The following NDUFAF2 variants were observed in gnomAD, a reference collection of about 807,000 sequenced individuals.
NDUFAF2 encodes NADH dehydrogenase [ubiquinone] 1 alpha subcomplex assembly factor 2.
NDUFAF2 carries 13 observed loss-of-function variants against 22.8 expected under a neutral mutation model. The ratio of observed to expected loss-of-function variants is 0.57; its 90% CI spans 0.37 to 0.91. The LOEUF is 0.91. Ranked by LOEUF, NDUFAF2 falls within the 40% of genes least tolerant of loss-of-function variation. NDUFAF2 has a pLI of 0.01. For synonymous variants in NDUFAF2, 53 were observed against 64.2 expected, an observed-to-expected ratio of 0.83 and a Z score of 0.84; for missense variants, 162 against 195.2, an observed-to-expected ratio of 0.83 and a Z score of 1.01.
chr5:61,134,940 G>A (rs58096884), intron 3 of NDUFAF2, among the ~76,000 whole-genome samples: 3,007 of 151,696 alleles, frequency 0.02, 114 homozygotes, highest in African/African-American at 0.069. Flanking sequence ...CAAAAAGAAA[G>A]GAATACAAAG....
At chr5:60,999,173 C>T (rs1751264710) in intron 1 of NDUFAF2, among the ~76,000 whole-genome samples, 1 of 151,676 alleles carries the variant, frequency 6.6e-6, no homozygotes, top group South Asian at 2.1e-4. Context: ...TTGATTGTTC[C>T]TCAAGTTAAA....
At chr5:60,969,984 A>T (rs1288621394) in intron 1 of NDUFAF2, among the ~76,000 whole-genome samples, 1 of 152,008 alleles carries the variant, frequency 6.6e-6, no homozygotes, top group African/African-American at 2.4e-5. Flanking sequence ...AGAGAATGTC[A>T]TTTCCCCACT....
At chr5:61,067,099 C>T (rs889705992) in intron 1 of NDUFAF2, among the ~76,000 whole-genome samples, 12 of 152,070 alleles carry the variant, frequency 7.9e-5, no homozygotes, top group Non-Finnish European at 1.8e-4. Flanking sequence ...TCTTGCGACA[C>T]ACAAAAAGGG....
At chr5:61,004,093 T>C (rs934257934) in intron 1 of NDUFAF2, among the ~76,000 whole-genome samples, 2 of 152,154 alleles carry the variant, frequency 1.3e-5, no homozygotes, top group African/African-American at 4.8e-5. Context: ...GTAAAATATT[T>C]GTGCCTTTAT....
chr5:61,045,059 A>AAATAAAATTTTATTAAATTTT (rs1751931017), intron 1 of NDUFAF2, among the ~76,000 whole-genome samples: 2 of 145,424 alleles, frequency 1.4e-5, no homozygotes, highest in African/African-American at 2.5e-5. Flanking sequence ...TAATAAAGTA[A>AAATAAAATTTTATTAAATTTT]AATAAAGTTT....
intron 2 of NDUFAF2, among the ~76,000 whole-genome samples, chr5:61,075,809 C>T (rs1752361601): frequency 6.6e-6 from 1 of 152,134 alleles, no homozygotes; most frequent in African/African-American, 2.4e-5. Flanking sequence ...TAAGTATTTT[C>T]AGGTTCAGAT....
At chr5:61,032,567 C>A (rs1477713750) in intron 1 of NDUFAF2, among the ~76,000 whole-genome samples, 2 of 152,118 alleles carry the variant, frequency 1.3e-5, no homozygotes. Flanking sequence ...GGCCTCTGTT[C>A]TGTTCCATTG....
intron 1 of NDUFAF2, among the ~76,000 whole-genome samples, chr5:60,991,541 G>A (rs551131783): frequency 6.6e-6 from 1 of 152,268 alleles, no homozygotes; most frequent in Non-Finnish European, 1.5e-5. Flanking sequence ...CCACAAATAA[G>A]TGAGAATATG....
chr5:60,998,180 A>C (rs1332417838), intron 1 of NDUFAF2, among the ~76,000 whole-genome samples: 7 of 152,146 alleles, frequency 4.6e-5, no homozygotes, highest in Non-Finnish European at 1.0e-4. Flanking sequence ...TAAACCAACA[A>C]ATTTAGATCT....
At position 61,019,168 on chromosome 5, in the gene NDUFAF2, A is replaced by G. The variant is rs186174032; in HGVS notation, c.128-53957A>G. On this transcript the variant is annotated intron_variant, in intron 1 of 3. Transcript: ENST00000296597. ...GATTAATTTTTAGTGCTGCTTCTGAATCCACTGAGTATCTTATCCCACAAG... is the reference window on the plus strand; with the variant it reads ...GATTAATTTTTAGTGCTGCTTCTGAGTCCACTGAGTATCTTATCCCACAAG... 4.5e-4 allele frequency among the ~76,000 whole-genome samples: 68 copies of G among 152,200 alleles called. 1 individual carries two copies. Among genetic ancestry groups the G allele is most frequent in the Middle Eastern group, 6.8e-3 (2 of 294 alleles).
At chr5:61,026,502 GA>G (rs1447090542) in intron 1 of NDUFAF2, among the ~76,000 whole-genome samples, 2 of 151,966 alleles carry the variant, frequency 1.3e-5, no homozygotes, top group Non-Finnish European at 2.9e-5. Flanking sequence ...TAAACAGAAA[GA>G]ATAAGATAGC....
chr5:60,952,143 C>A (rs1750555800), intron 1 of NDUFAF2, among the ~76,000 whole-genome samples: 1 of 151,628 alleles, frequency 6.6e-6, no homozygotes, highest in Admixed American at 6.6e-5. Flanking sequence ...TTTTATTGAT[C>A]ATTTTAGAGA....
chr5:61,100,557 A>G (rs1580133456), intron 3 of NDUFAF2, among the ~76,000 whole-genome samples: 2 of 132,690 alleles, frequency 1.5e-5, no homozygotes, highest in Non-Finnish European at 3.3e-5. Flanking sequence ...ACACACACAC[A>G]CACTCTTTTC....
In NDUFAF2 at chr5:61,050,093, G is replaced by A. The variant is rs377584669; in HGVS notation, c.128-23032G>A. Among the ~76,000 whole-genome samples, 6 of 151,884 alleles carry A rather than the reference G, an allele frequency of 4.0e-5. No individual in the cohort carries two copies. In the South Asian group the frequency reaches 6.2e-4, roughly 16 times the overall value. ...TTCTTTTGGTTATATACCCAGAAATGGAATTGCTGGATAAAGTGGTAATAC... is the reference window on the plus strand; with the variant it reads ...TTCTTTTGGTTATATACCCAGAAATAGAATTGCTGGATAAAGTGGTAATAC... On this transcript the variant is annotated intron_variant, in intron 1 of 3. Transcript: ENST00000296597.
rs184607526 is a variant in NDUFAF2, at chr5:61,109,837, G to A, written c.258+10805G>A. Among the ~76,000 whole-genome samples, 83 of 152,162 alleles carry A rather than the reference G, an allele frequency of 5.5e-4. No homozygotes were observed. In the East Asian group the frequency reaches 0.013, roughly 24 times the overall value. On this transcript the variant is annotated intron_variant, in intron 3 of 3. Transcript: ENST00000296597. ...TAAGTTTCCTGAGGCCTCCCCAGCC[G>A]TGCAGAACTGTGAGTCAATTAAACC...
At chr5:60,987,942 A>C (rs1303688411) in intron 1 of NDUFAF2, among the ~76,000 whole-genome samples, 1 of 152,144 alleles carries the variant, frequency 6.6e-6, no homozygotes, top group East Asian at 1.9e-4. Flanking sequence ...AGGCAAGAAA[A>C]AGAAATAAAA....
intron 2 of NDUFAF2, among the ~76,000 whole-genome samples, chr5:61,079,086 T>C (rs1040655331): frequency 6.6e-6 from 1 of 152,200 alleles, no homozygotes; most frequent in Non-Finnish European, 1.5e-5. Flanking sequence ...TTATCACATA[T>C]ACTCATTAAA....
At chr5:61,056,792 G>A (rs1211283760) in intron 1 of NDUFAF2, among the ~76,000 whole-genome samples, 1 of 148,594 alleles carries the variant, frequency 6.7e-6, no homozygotes, top group Non-Finnish European at 1.5e-5. Context: ...AGGAGGCTGA[G>A]GCATGAGAAT....
chr5:61,025,247 G>T (rs919900286), intron 1 of NDUFAF2, among the ~76,000 whole-genome samples: 1 of 151,952 alleles, frequency 6.6e-6, no homozygotes, highest in African/African-American at 2.4e-5. Flanking sequence ...CATAGGAGAT[G>T]TTCAATATAT....
Sources: gnomAD v4.1 joint callset for allele counts (sites outside exome capture counted in the v4.1 genomes callset) on GRCh38, gnomAD v4.1.1 for gene constraint, MANE v1.5 for transcripts, NCBI Gene and HGNC (gene_info 2026-07-23, HGNC 2026-07-21) for gene names.